The following NCF4 variants were observed in gnomAD, a reference collection of about 807,000 sequenced individuals.
The protein encoded by NCF4 is neutrophil cytosolic factor 4, also known as neutrophil cytosol factor 4.
In NCF4, 30 loss-of-function variants were observed where a neutral mutation model predicts 41.7. That is an observed-to-expected ratio of 0.72 (90% CI 0.54 to 0.97). NCF4 has a LOEUF of 0.97. Among genes scored for constraint, NCF4 ranks in the 50% least tolerant of loss-of-function variants. The probability of loss-of-function intolerance (pLI) is 0.00; values close to 1 mark genes in which losing one functional copy is unlikely to be tolerated. For missense variants in NCF4, 432 were observed against 460.9 expected (o/e 0.94, Z 0.57); for synonymous variants, 195 against 175.8 (o/e 1.11, Z -0.87).
intron 7 of NCF4, among the ~76,000 whole-genome samples, chr22:36,874,302 G>A (rs1487466637): frequency 2.6e-5 from 4 of 152,264 alleles, no homozygotes; most frequent in African/African-American, 7.2e-5. Flanking sequence ...CCTGTCTTCA[G>A]ACTTAGTGCT....
chr22:36,877,342 G>C (rs1940214798), intron 9 of NCF4, among the ~76,000 whole-genome samples: 1 of 151,982 alleles, frequency 6.6e-6, no homozygotes, highest in Non-Finnish European at 1.5e-5. Flanking sequence ...TCACCATGTT[G>C]GCCAGGCTGG....
chr22:36,868,172 G>A (rs140266918), intron 4 of NCF4, among the ~76,000 whole-genome samples: 3 of 152,334 alleles, frequency 2.0e-5, no homozygotes, highest in East Asian at 1.9e-4. Context: ...GTGCACCGTC[G>A]CTAGAGACCT....
At position 36,865,014 on chromosome 22, in the gene NCF4, G is replaced by C. The variant is rs1302429700; in HGVS notation, c.213G>C (p.Glu71Asp). 1 of 1,613,762 alleles carries C rather than the reference G, an allele frequency of 6.2e-7. No individual in the cohort carries two copies. The highest frequency in any genetic ancestry group is 8.5e-7 in the Non-Finnish European group (1 of 1,180,044). ...ATGCTTTGCAGAGCAAGCTGGAGGA[G>C]CGCTTCGGGCCAGACAGCAAGAGCA... ...QFHALQSKLE[E>D]RFGPDSKSSA... The change falls in exon 3 of 10, where the codon GAG (glutamate) becomes GAC (aspartate). Residue 71 changes from glutamate to aspartate, a missense_variant. Physicochemically the swap from Glu to Asp is conservative, Grantham distance 45 (BLOSUM62 2). Coordinates refer to ENST00000248899, the MANE Select transcript of NCF4 (RefSeq NM_000631.5). The surrounding 1 kb of genome is among the most constrained non-coding windows in gnomAD (Gnocchi z 4.3).
At chr22:36,867,939 C>A (rs1428316618) in intron 4 of NCF4, among the ~76,000 whole-genome samples, 5 of 152,342 alleles carry the variant, frequency 3.3e-5, no homozygotes, top group African/African-American at 1.2e-4. Context: ...TCCTCTGGGA[C>A]AACTCACTCC....
chr22:36,867,508 A>T, intron 4 of NCF4, 46 bp downstream of exon 4: 8 of 1,601,742 alleles, frequency 5.0e-6, no homozygotes, highest in Non-Finnish European at 6.8e-6. Flanking sequence ...GGCATGCAGT[A>T]TTGGTGGGGG....
chr22:36,874,772 C>G (rs1471101365), intron 7 of NCF4, among the ~76,000 whole-genome samples: 2 of 152,210 alleles, frequency 1.3e-5, no homozygotes, highest in African/African-American at 4.8e-5. Flanking sequence ...CAGGCCATGG[C>G]CGGGTCTGGG....
At chr22:36,875,533 CAGA>C (rs1940171881) in intron 7 of NCF4, 117 bp from the exon 8 acceptor site, 4 of 898,844 alleles carry the variant, frequency 4.5e-6, no homozygotes, top group African/African-American at 3.3e-5. Context: ...CCTCCCTCTA[CAGA>C]AGAAGACCCG....
chr22:36,867,515 G>A, intron 4 of NCF4, 53 bp downstream of exon 4: 1 of 1,589,856 alleles, frequency 6.3e-7, no homozygotes, highest in South Asian at 1.1e-5. Context: ...AGTATTGGTG[G>A]GGGAGCCCAC....
chr22:36,871,053 G>C (rs899266501), intron 5 of NCF4, among the ~76,000 whole-genome samples: 1 of 152,176 alleles, frequency 6.6e-6, no homozygotes, highest in Admixed American at 6.5e-5. Flanking sequence ...TAGACTGCTG[G>C]GCTTCCAAAG....
At chr22:36,862,250 G>A (rs180931634) in intron 1 of NCF4, among the ~76,000 whole-genome samples, 1 of 152,216 alleles carries the variant, frequency 6.6e-6, no homozygotes, top group Admixed American at 6.5e-5. Context: ...GCCTACGCGG[G>A]GAACAGAAGG....
At chr22:36,869,910 C>T (rs1940013018) in intron 4 of NCF4, among the ~76,000 whole-genome samples, 2 of 151,940 alleles carry the variant, frequency 1.3e-5, no homozygotes, top group African/African-American at 2.4e-5. Context: ...TTTTGGGAGC[C>T]CCCCACCCCC....
At chr22:36,876,438 T>C (rs1249803221) in intron 9 of NCF4, among the ~76,000 whole-genome samples, 1 of 152,208 alleles carries the variant, frequency 6.6e-6, no homozygotes, top group African/African-American at 2.4e-5. Flanking sequence ...TGGACAGTTA[T>C]TTTACAGAAT....
intron 1 of NCF4, among the ~76,000 whole-genome samples, chr22:36,863,403 G>A (rs561489162): frequency 3.3e-5 from 5 of 151,586 alleles, no homozygotes; most frequent in African/African-American, 7.3e-5. Flanking sequence ...CCAGTGCTGC[G>A]CCTATGCCTC....
intron 1 of NCF4, among the ~76,000 whole-genome samples, chr22:36,863,534 C>A (rs1000384993): frequency 1.3e-5 from 2 of 150,544 alleles, no homozygotes; most frequent in African/African-American, 4.9e-5. Flanking sequence ...CCTGTCTCTC[C>A]GACTGGTCTC....
intron 7 of NCF4, among the ~76,000 whole-genome samples, chr22:36,873,976 T>C (rs1218103473): frequency 6.6e-6 from 1 of 152,238 alleles, no homozygotes; most frequent in Non-Finnish European, 1.5e-5. Flanking sequence ...AGCTCTGTTT[T>C]TCACTAGCTT....
rs34129618 is a variant in NCF4 at position 36,871,411 on chromosome 22, C to A, written c.471-241C>A. ...GAATGAGCGTGTATCCCCTTCCCCA[C>A]CTGCTTTCTGAGCCTGGCTTCCTGG... On this transcript the variant is annotated intron_variant, in intron 5 of 9. Transcript: ENST00000248899. Among the ~76,000 whole-genome samples the A allele has an allele frequency of 1.3e-3, 198 of 152,352 alleles. 1 individual carries two copies. The highest frequency in any genetic ancestry group is 4.6e-3 in the African/African-American group (192 of 41,576).
At chr22:36,871,736 G>C (rs755973495) in intron 6 of NCF4, 27 bp downstream of exon 6, 1 of 1,551,984 alleles carries the variant, frequency 6.4e-7, no homozygotes, top group Admixed American at 2.0e-5. Context: ...CGCTGGCCAG[G>C]CTCTCACACT....
At chr22:36,871,619 C>T in intron 5 of NCF4, 33 bp from the exon 6 acceptor site, 1 of 1,553,260 alleles carries the variant, frequency 6.4e-7, no homozygotes, top group Non-Finnish European at 8.7e-7. Flanking sequence ...GAGAGAATCA[C>T]AGGGCTAACA....
intron 4 of NCF4, 144 bp from the exon 5 acceptor site, chr22:36,870,271 A>T: frequency 1.7e-6 from 2 of 1,206,880 alleles, no homozygotes; most frequent in Non-Finnish European, 1.2e-6. Flanking sequence ...TTATTCTTTT[A>T]AACAACGCAT....
Sources: gnomAD v4.1 joint callset for allele counts (sites outside exome capture counted in the v4.1 genomes callset) on GRCh38, gnomAD v4.1.1 for gene constraint, Gnocchi (gnomAD v3.1) non-coding constraint, MANE v1.5 for transcripts, NCBI Gene and HGNC (gene_info 2026-07-23, HGNC 2026-07-21) for gene names.